The following CFAP52 variants were observed in gnomAD, a reference collection of about 807,000 sequenced individuals.
The protein encoded by CFAP52 is cilia- and flagella-associated protein 52.
CFAP52 carries 57 observed loss-of-function variants against 70.5 expected under a neutral mutation model. That is an observed-to-expected ratio of 0.81 (90% CI 0.65 to 1.01). The LOEUF is 1.01. Ranked by LOEUF, CFAP52 falls within the 50% of genes least tolerant of loss-of-function variation. The pLI, the probability that CFAP52 is intolerant of heterozygous loss-of-function variation, is 0.00. For missense variants in CFAP52, 785 were observed against 788.5 expected (o/e 1.00, Z 0.05); for synonymous variants, 267 against 292.5 (o/e 0.91, Z 0.89).
At chr17:9,581,198 T>C (rs1403615540) in intron 1 of CFAP52, among the ~76,000 whole-genome samples, 3 of 152,128 alleles carry the variant, frequency 2.0e-5, no homozygotes, top group African/African-American at 7.2e-5. Flanking sequence ...GCACCTGTAG[T>C]CCCAGCTACT....
intron 6 of CFAP52, among the ~76,000 whole-genome samples, chr17:9,605,409 A>G (rs1368475327): frequency 6.6e-6 from 1 of 152,146 alleles, no homozygotes; most frequent in Non-Finnish European, 1.5e-5. Flanking sequence ...AGGCAAAATT[A>G]TGGAGACAAT....
At position 9,622,552 on chromosome 17, in the gene CFAP52, A is replaced by G. The variant is rs144892229; in HGVS notation, c.1026-6120A>G. Among the ~76,000 whole-genome samples the G allele has an allele frequency of 3.4e-3, 519 of 151,480 alleles. 1 individual carries two copies. The highest frequency in any genetic ancestry group is 7.9e-3 in the South Asian group (38 of 4,796). On this transcript the variant is annotated intron_variant, in intron 8 of 13. Transcript: ENST00000352665. ...TAAGACCCTGTTTCTATTAAAAAAA[A>G]AAGAAGAAGAAGAAGAAGAAGATGA...
chr17:9,602,658 A>G (rs1171813630), intron 6 of CFAP52, among the ~76,000 whole-genome samples: 5 of 152,144 alleles, frequency 3.3e-5, no homozygotes, highest in African/African-American at 9.7e-5. Context: ...GTCAAATGGT[A>G]TTTCTGGTTC....
chr17:9,630,474 G>T (rs1597792660), intron 9 of CFAP52, among the ~76,000 whole-genome samples: 1 of 145,952 alleles, frequency 6.9e-6, no homozygotes, highest in Admixed American at 6.8e-5. Flanking sequence ...CTGTCTCCCA[G>T]GCTGGAGTGC....
intron 8 of CFAP52, among the ~76,000 whole-genome samples, chr17:9,615,866 C>A (rs561180773): frequency 1.4e-5 from 2 of 139,626 alleles, no homozygotes; most frequent in East Asian, 4.3e-4. Context: ...TTTTCAACTG[C>A]CATCCTCAAG....
At chr17:9,579,605 T>A (rs1908121494) in intron 1 of CFAP52, among the ~76,000 whole-genome samples, 1 of 152,220 alleles carries the variant, frequency 6.6e-6, no homozygotes, top group African/African-American at 2.4e-5. Context: ...TCTCACCCTG[T>A]CTCCCAGGCT....
intron 6 of CFAP52, among the ~76,000 whole-genome samples, chr17:9,605,298 T>G (rs1909438974): frequency 1.3e-5 from 2 of 152,128 alleles, no homozygotes; most frequent in Admixed American, 6.5e-5. Flanking sequence ...GGAAAAGACT[T>G]TATAGGAAAA....
chr17:9,608,329 T>A, intron 7 of CFAP52, 110 bp downstream of exon 7: 1 of 874,968 alleles, frequency 1.1e-6, no homozygotes, highest in Non-Finnish European at 1.6e-6. Flanking sequence ...GTTAAAAAAT[T>A]TCATCTTGCT....
intron 9 of CFAP52, among the ~76,000 whole-genome samples, chr17:9,629,790 A>G (rs1453612726): frequency 6.6e-6 from 1 of 151,876 alleles, no homozygotes; most frequent in Non-Finnish European, 1.5e-5. Context: ...GGTTTTCACC[A>G]TGTTGGCCAA....
chr17:9,625,334 T>G (rs1910197558), intron 8 of CFAP52, among the ~76,000 whole-genome samples: 1 of 152,162 alleles, frequency 6.6e-6, no homozygotes, highest in African/African-American at 2.4e-5. Context: ...AATTTACATC[T>G]TATTCTTGTG....
chr17:9,625,847 G>A (rs1910215985), intron 8 of CFAP52, among the ~76,000 whole-genome samples: 1 of 152,138 alleles, frequency 6.6e-6, no homozygotes, highest in Admixed American at 6.5e-5. Context: ...CAGTGCTCCA[G>A]CCTTACAAGA....
At position 9,635,698 on chromosome 17, in the gene CFAP52, C is replaced by T. The variant is rs773205741; in HGVS notation, c.1472+142C>T. The T allele has an allele frequency of 5.3e-4, 575 of 1,089,862 alleles. 2 individuals carry two copies. The highest frequency in any genetic ancestry group is 7.4e-4 in the Non-Finnish European group (560 of 761,584). The allele number at this position is 1,089,862 out of a possible 1,614,324, so 67.5% of individuals were successfully genotyped here. A position where few individuals can be genotyped will look rare whatever the true frequency, so the allele number is the denominator to read the frequency against. ...CAGTAAAGGGATGTTCATCAGAAGC[C>T]GTTCATGACGGTCCATGGTTTATCG... On this transcript the variant is annotated intron_variant, in intron 11 of 13. Coordinates refer to ENST00000352665, the MANE Select transcript of CFAP52 (RefSeq NM_145054.5).
chr17:9,577,813 C>T (rs767225381), intron 1 of CFAP52, among the ~76,000 whole-genome samples: 1 of 152,122 alleles, frequency 6.6e-6, no homozygotes, highest in African/African-American at 2.4e-5. Flanking sequence ...CAACTGAGGC[C>T]GGGGGCAGTG....
intron 13 of CFAP52, 121 bp from the exon 14 acceptor site, chr17:9,642,902 A>C (rs1911141211): frequency 2.5e-6 from 2 of 807,828 alleles, no homozygotes; most frequent in East Asian, 6.4e-5. Context: ...AATCAAGTAA[A>C]AGTGTTATTA....
chr17:9,610,966 C>T (rs1597783563), intron 7 of CFAP52, among the ~76,000 whole-genome samples: 1 of 152,220 alleles, frequency 6.6e-6, no homozygotes, highest in Non-Finnish European at 1.5e-5. Context: ...TTCACTGCAA[C>T]ACTTGTAAAG....
chr17:9,585,816 T>G lies in CFAP52; in HGVS notation c.114T>G (p.His38Gln). 1 of 1,614,098 alleles carries G rather than the reference T, an allele frequency of 6.2e-7. No homozygotes were observed. The highest frequency in any genetic ancestry group is 8.5e-7 in the Non-Finnish European group (1 of 1,180,018). Residue 38 changes from histidine (H) to glutamine (Q), a missense_variant, in exon 2 of 14, where the codon CAT becomes CAG. By Grantham distance (24) the His-to-Gln change is conservative. Transcript: ENST00000352665. ...TCAAATGCCATCCTGACCAGGAGCA[T>G]ATGATTTATCCTCTTGGTTGCACAG... The part of the protein sequence containing the change: ...TGLKCHPDQE[H>Q]MIYPLGCTVL...
chr17:9,630,550 C>T (rs1212953438), intron 9 of CFAP52, among the ~76,000 whole-genome samples: 1 of 149,866 alleles, frequency 6.7e-6, no homozygotes, highest in South Asian at 2.1e-4. Context: ...CTGCCTCAGC[C>T]TCCCGAGTAG....
In CFAP52 at chr17:9,638,925, G is replaced by A. The variant is rs1033939578; in HGVS notation, c.1575+214G>A. 6 of 566,386 alleles carry A rather than the reference G, an allele frequency of 1.1e-5. No individual in the cohort carries two copies. The Admixed American group carries it at 1.5e-4, about 14-fold the overall frequency. 35.1% of individuals were successfully genotyped at this position (566,386 alleles called of 1,614,324 possible). On this transcript the variant is annotated intron_variant, in intron 12 of 13. Coordinates refer to ENST00000352665, the MANE Select transcript of CFAP52 (RefSeq NM_145054.5). The stretch of plus-strand genomic sequence containing the variant: ...GAAATGGTACCACTGACCTCATAGA[G>A]TAAGGATTAAAGTCATGCTTGCTCA...
At chr17:9,580,254 A>G (rs949833375) in intron 1 of CFAP52, among the ~76,000 whole-genome samples, 27 of 150,212 alleles carry the variant, frequency 1.8e-4, no homozygotes, top group African/African-American at 6.6e-4. Flanking sequence ...ACTAGCAGAG[A>G]TGAGTAGTCT....
Sources: allele counts gnomAD v4.1 joint callset (sites outside exome capture counted in the v4.1 genomes callset), GRCh38; gene constraint gnomAD v4.1.1; transcripts MANE v1.5; gene names NCBI Gene and HGNC (gene_info 2026-07-23, HGNC 2026-07-21).